The following VAV3 variants were observed in gnomAD, a reference collection of about 807,000 sequenced individuals.
The protein encoded by VAV3 is guanine nucleotide exchange factor VAV3.
Under a neutral mutation model 131.2 loss-of-function variants are expected in VAV3, and 94 were observed. The observed-to-expected ratio is 0.72, with a 90% CI of 0.61 to 0.85. The LOEUF is 0.85. VAV3 is among the 40% of genes least tolerant of loss of function. The probability of loss-of-function intolerance (pLI) is 0.00; values close to 1 mark genes in which losing one functional copy is unlikely to be tolerated. For synonymous variants in VAV3, 349 were observed against 342.0 expected (o/e 1.02, Z -0.22); for missense variants, 939 against 1,002.7 (o/e 0.94, Z 0.86).
intron 2 of VAV3, among the ~76,000 whole-genome samples, chr1:107,859,298 T>TG (rs1461522547): frequency 6.6e-6 from 1 of 152,138 alleles, no homozygotes; most frequent in Non-Finnish European, 1.5e-5. Flanking sequence ...CTTGAACTCC[T>TG]GGGGCTCCAG....
intron 2 of VAV3, among the ~76,000 whole-genome samples, chr1:107,834,289 A>G (rs1668379524): frequency 6.6e-6 from 1 of 152,172 alleles, no homozygotes; most frequent in South Asian, 2.1e-4. Flanking sequence ...TGTCTTTAGT[A>G]CCCAATGTCT....
intron 1 of VAV3, among the ~76,000 whole-genome samples, chr1:107,914,889 C>T (rs1382632243): frequency 1.3e-5 from 2 of 152,180 alleles, no homozygotes; most frequent in Non-Finnish European, 2.9e-5. Flanking sequence ...AGCAGCAAGG[C>T]CTGGAGGCTA....
chr1:107,798,877 T>C (rs758502747), intron 2 of VAV3, among the ~76,000 whole-genome samples: 3 of 152,148 alleles, frequency 2.0e-5, no homozygotes, highest in East Asian at 1.9e-4. Flanking sequence ...ACATAAACTT[T>C]TATTCAGAAG....
intron 2 of VAV3, among the ~76,000 whole-genome samples, chr1:107,832,109 G>C (rs1435665054): frequency 6.6e-6 from 1 of 152,228 alleles, no homozygotes; most frequent in East Asian, 1.9e-4. Context: ...AAGTAACCAT[G>C]GAAGTGGCAG....
chr1:107,914,382 G>A (rs925739161), intron 1 of VAV3, among the ~76,000 whole-genome samples: 6 of 152,190 alleles, frequency 3.9e-5, no homozygotes, highest in African/African-American at 1.4e-4. Context: ...TCTCTCCTGT[G>A]GCAGGGCACT....
intron 19 of VAV3, among the ~76,000 whole-genome samples, chr1:107,659,485 G>T (rs1656841980): frequency 1.3e-5 from 2 of 152,104 alleles, no homozygotes; most frequent in African/African-American, 2.4e-5. Context: ...AACCACCTGG[G>T]ATTCCAAAGT....
chr1:107,758,748 C>A (rs922045786), intron 10 of VAV3, among the ~76,000 whole-genome samples: 3 of 152,140 alleles, frequency 2.0e-5, no homozygotes, highest in African/African-American at 7.2e-5. Flanking sequence ...CAGGTTGTCA[C>A]CCATACCTCC....
intron 5 of VAV3, among the ~76,000 whole-genome samples, chr1:107,771,912 G>A (rs918037722): frequency 3.3e-5 from 5 of 152,158 alleles, no homozygotes; most frequent in African/African-American, 7.2e-5. Context: ...CCACACTTGC[G>A]TTATATTCCT....
At chr1:107,574,446 AAAGT>A (rs1232197271) in intron 25 of VAV3, among the ~76,000 whole-genome samples, 4 of 152,198 alleles carry the variant, frequency 2.6e-5, no homozygotes, top group South Asian at 2.1e-4. Context: ...AACCTCAATC[AAAGT>A]AAGGACTAGT....
At position 107,706,261 on chromosome 1, in the gene VAV3, C is replaced by T. The variant is rs72977671; in HGVS notation, c.1503-1200G>A. ...AACTCTCAACCACACAGAATCCTGGCGAAATGAAGCATAACACAGGCAGGC... is the reference window on the plus strand; with the variant it reads ...AACTCTCAACCACACAGAATCCTGGTGAAATGAAGCATAACACAGGCAGGC... On this transcript the variant is annotated intron_variant, in intron 15 of 26. Coordinates refer to ENST00000370056, the MANE Select transcript of VAV3 (RefSeq NM_006113.5). 5.7e-3 allele frequency among the ~76,000 whole-genome samples: 865 copies of T among 152,154 alleles called. 10 individuals carry two copies. Among genetic ancestry groups the T allele is most frequent in the African/African-American group, 0.018 (756 of 41,524 alleles).
At chr1:107,578,747 T>C in intron 25 of VAV3, 1 of 985,002 alleles carries the variant, frequency 1.0e-6, no homozygotes, top group Non-Finnish European at 1.2e-6. Flanking sequence ...TAGCTGGGAC[T>C]GTTTTCTAAG....
intron 1 of VAV3, among the ~76,000 whole-genome samples, chr1:107,910,082 C>A (rs949848631): frequency 1.3e-5 from 2 of 152,118 alleles, no homozygotes; most frequent in Non-Finnish European, 2.9e-5. Context: ...AACAACTCTA[C>A]GATGAAAGCA....
At chr1:107,875,122 C>T in intron 1 of VAV3, 105 bp from the exon 2 acceptor site, 2 of 1,016,724 alleles carry the variant, frequency 2.0e-6, no homozygotes, top group South Asian at 1.4e-5. Context: ...AAGCATCAAG[C>T]AGCCTTTGAA....
chr1:107,855,820 C>T (rs1202104058), intron 2 of VAV3, among the ~76,000 whole-genome samples: 3 of 152,192 alleles, frequency 2.0e-5, no homozygotes, highest in Non-Finnish European at 4.4e-5. Flanking sequence ...AGGAAGATGT[C>T]TCACAGCTCT....
chr1:107,757,254 G>GC lies in VAV3; in HGVS notation c.1086+6dup. The GC allele has an allele frequency of 6.2e-7, 1 of 1,611,622 alleles. No homozygotes were observed. The highest frequency in any genetic ancestry group is 8.5e-7 in the Non-Finnish European group (1 of 1,179,116). On this transcript the variant is annotated splice_region_variant and intron_variant, in intron 11 of 26. Coordinates refer to ENST00000370056, the MANE Select transcript of VAV3 (RefSeq NM_006113.5). ...ATACAAACAAATTACTGATGAATCT[G>GC]CCCTACCTTCATGGCATCAAGAGCC...
chr1:107,749,147 C>T (rs901834087), intron 14 of VAV3, 70 bp from the exon 15 acceptor site: 32 of 1,131,638 alleles, frequency 2.8e-5, no homozygotes, highest in Middle Eastern at 2.6e-4. Context: ...ACAAGAATAC[C>T]ACAACTATCC....
intron 18 of VAV3, among the ~76,000 whole-genome samples, chr1:107,686,751 T>G (rs1659055936): frequency 6.6e-6 from 1 of 152,210 alleles, no homozygotes; most frequent in Non-Finnish European, 1.5e-5. Flanking sequence ...AATGTGAAAA[T>G]TAATTCCTTG....
intron 2 of VAV3, among the ~76,000 whole-genome samples, chr1:107,797,153 C>T (rs1296331907): frequency 1.3e-5 from 2 of 152,062 alleles, no homozygotes; most frequent in African/African-American, 4.8e-5. Flanking sequence ...GGAATTATGT[C>T]AATTTTATAT....
chr1:107,745,843 C>T (rs950236782), intron 15 of VAV3, among the ~76,000 whole-genome samples: 1 of 152,176 alleles, frequency 6.6e-6, no homozygotes, highest in African/African-American at 2.4e-5. Context: ...TCCCTCCACC[C>T]TCTCACCAAT....
Sources: allele counts gnomAD v4.1 joint callset (sites outside exome capture counted in the v4.1 genomes callset), GRCh38; gene constraint gnomAD v4.1.1; transcripts MANE v1.5; gene names NCBI Gene and HGNC (gene_info 2026-07-23, HGNC 2026-07-21).